Variants in PTGER3 observed in about 807,000 individuals in gnomAD.
The protein encoded by PTGER3 is prostaglandin E2 receptor EP3 subtype.
A neutral mutation model predicts 34.7 loss-of-function variants in PTGER3; 22 were observed. The ratio of observed to expected loss-of-function variants is 0.63; its 90% CI spans 0.45 to 0.91. PTGER3 has a LOEUF of 0.91. Among genes scored for constraint, PTGER3 ranks in the 40% least tolerant of loss-of-function variants. PTGER3 has a pLI of 0.00. For missense variants in PTGER3, 468 were observed against 519.4 expected (o/e 0.90, Z 0.96); for synonymous variants, 241 against 230.1 (o/e 1.05, Z -0.43).
At chr1:71,037,972 TG>T (rs1659983179) in intron 1 of PTGER3, among the ~76,000 whole-genome samples, 1 of 152,242 alleles carries the variant, frequency 6.6e-6, no homozygotes, top group Non-Finnish European at 1.5e-5. Context: ...GTGTGTGATC[TG>T]CCAGGAGCTC....
Position 70,885,089 on chromosome 1 carries a change from A to G in PTGER3, c.*24-32230T>C, listed in dbSNP as rs952519212. Among the ~76,000 whole-genome samples, 3 of 152,094 alleles carry G rather than the reference A, an allele frequency of 2.0e-5. No homozygotes were observed. In the South Asian group the frequency reaches 6.2e-4, roughly 32 times the overall value. On this transcript the variant is annotated intron_variant, in intron 4 of 4. Coordinates refer to the PTGER3 transcript ENST00000370931. ...CAAGAGCCAAAATTTGTCTGTTTCTAAAGAATTAGACTCTTTTTACTTCTT... is the reference window on the plus strand; with the variant it reads ...CAAGAGCCAAAATTTGTCTGTTTCTGAAGAATTAGACTCTTTTTACTTCTT...
chr1:70,863,382 C>T (rs1298748458), intron 4 of PTGER3, among the ~76,000 whole-genome samples: 2 of 152,126 alleles, frequency 1.3e-5, no homozygotes, highest in East Asian at 3.9e-4. Context: ...ATCATGTGTT[C>T]AGGCTGAATT....
chr1:71,040,939 A>T (rs1161130219), intron 1 of PTGER3, among the ~76,000 whole-genome samples: 3 of 152,140 alleles, frequency 2.0e-5, no homozygotes, highest in Non-Finnish European at 2.9e-5. Context: ...TGAATGGCTG[A>T]GGGGTAAAGT....
chr1:70,976,983 C>A (rs1259089174), intron 2 of PTGER3, among the ~76,000 whole-genome samples: 1 of 152,152 alleles, frequency 6.6e-6, no homozygotes, highest in Non-Finnish European at 1.5e-5. Context: ...AATCTGCCAG[C>A]AAACTTTATC....
At position 70,884,011 on chromosome 1, in the gene PTGER3, G is replaced by A. The variant is rs1403643223; in HGVS notation, c.*24-31152C>T. ...CAGGAGGCGAAGATTGCAGTGAGTG[G>A]AGGAGGTGAAGGTTGCAGTGAGCGG... On this transcript the variant is annotated intron_variant, in intron 4 of 4. Coordinates refer to the PTGER3 transcript ENST00000370931. 8.3e-6 allele frequency: 3 copies of A among 363,568 alleles called. No individual in the cohort carries two copies. The Admixed American group carries it at 9.1e-5, about 11-fold the overall frequency. 22.5% of individuals were successfully genotyped at this position (363,568 alleles called of 1,614,324 possible). A position where few individuals can be genotyped will look rare whatever the true frequency, so the allele number is the denominator to read the frequency against.
chr1:71,032,729 C>T (rs112688814), intron 1 of PTGER3, among the ~76,000 whole-genome samples: 4 of 152,170 alleles, frequency 2.6e-5, no homozygotes, highest in South Asian at 2.1e-4. Flanking sequence ...ACTCCCCCTA[C>T]CTTTTTATAT....
At chr1:71,010,462 G>C in intron 2 of PTGER3, 1 of 982,914 alleles carries the variant, frequency 1.0e-6, no homozygotes, top group Non-Finnish European at 1.2e-6. Context: ...TATATTCCAG[G>C]TGCTATACTA....
chr1:70,943,481 G>A (rs555366123), intron 4 of PTGER3, among the ~76,000 whole-genome samples: 75 of 152,204 alleles, frequency 4.9e-4, no homozygotes, highest in African/African-American at 1.8e-3. Context: ...AGATAAAGAT[G>A]AATTTTATAG....
chr1:71,006,387 C>T (rs1270543091), intron 2 of PTGER3: 1 of 985,254 alleles, frequency 1.0e-6, no homozygotes, highest in African/African-American at 1.7e-5. Context: ...AGTACATGAA[C>T]AAATAGCTGG....
intron 4 of PTGER3, among the ~76,000 whole-genome samples, chr1:70,917,188 C>A (rs1647193144): frequency 6.6e-6 from 1 of 151,528 alleles, no homozygotes; most frequent in Non-Finnish European, 1.5e-5. Flanking sequence ...CCCCCTGCAA[C>A]CCCCGCTTTC....
At chr1:70,967,856 T>C (rs970572509), downstream of PTGER3, among the ~76,000 whole-genome samples, 14 of 152,224 alleles carry the variant, frequency 9.2e-5, no homozygotes, top group Middle Eastern at 6.3e-3. Flanking sequence ...GTCAACTCTG[T>C]CTGAATTTTC....
chr1:70,922,135 T>A (rs10218772), intron 4 of PTGER3, among the ~76,000 whole-genome samples: 61,708 of 152,034 alleles, frequency 0.41, 12,954 homozygotes, highest in Middle Eastern at 0.52. Context: ...AAACTGTTCA[T>A]TTTAATCTTC....
chr1:70,981,187 T>C (rs1654221447), intron 2 of PTGER3, among the ~76,000 whole-genome samples: 1 of 152,054 alleles, frequency 6.6e-6, no homozygotes, highest in Non-Finnish European at 1.5e-5. Flanking sequence ...TTTCAGGATC[T>C]TAATCTACTC....
At chr1:71,046,301 A>C (rs1660802157) in intron 1 of PTGER3, among the ~76,000 whole-genome samples, 1 of 150,828 alleles carries the variant, frequency 6.6e-6, no homozygotes, top group Non-Finnish European at 1.5e-5. Context: ...AAAAAAAAAA[A>C]AAAAACCCCA....
At chr1:70,909,832 A>G (rs1199848809) in intron 4 of PTGER3, among the ~76,000 whole-genome samples, 2 of 152,248 alleles carry the variant, frequency 1.3e-5, no homozygotes, top group Non-Finnish European at 2.9e-5. Flanking sequence ...AAGGCTTCCT[A>G]TAAAGAGTAT....
intron 4 of PTGER3, among the ~76,000 whole-genome samples, chr1:70,935,995 T>A (rs1044554623): frequency 8.5e-5 from 13 of 152,076 alleles, no homozygotes; most frequent in Non-Finnish European, 1.5e-4. Context: ...GAGCACCAAG[T>A]TTTTGGAGAA....
Position 70,956,076 on chromosome 1 carries a change from A to G in PTGER3, c.1078-2287T>C, listed in dbSNP as rs528905960. Among the ~76,000 whole-genome samples, 36 of 152,288 alleles carry G rather than the reference A, an allele frequency of 2.4e-4. No individual in the cohort carries two copies. The South Asian group carries it at 5.8e-3, about 25-fold the overall frequency. On this transcript the variant is annotated intron_variant, in intron 2 of 3. Transcript: ENST00000356595. ...ATGAGAAAGAGTTAATTTTTTGTAT[A>G]ATTTTGAAGTCTGAGTGAAGTTGAA... is the stretch of plus-strand genomic sequence containing the variant.
chr1:71,013,742 C>T (rs902436470), intron 1 of PTGER3, among the ~76,000 whole-genome samples: 9 of 151,864 alleles, frequency 5.9e-5, no homozygotes, highest in African/African-American at 1.7e-4. Flanking sequence ...AACTATTTCA[C>T]CTGCTGTTTC....
chr1:70,872,589 GT>G (rs1646185625), intron 4 of PTGER3, among the ~76,000 whole-genome samples: 4 of 152,184 alleles, frequency 2.6e-5, no homozygotes, highest in African/African-American at 9.7e-5. Flanking sequence ...GAGAAATTAA[GT>G]AAGATGACCA....
Sources: allele counts gnomAD v4.1 joint callset (sites outside exome capture counted in the v4.1 genomes callset), GRCh38; gene constraint gnomAD v4.1.1; transcripts MANE v1.5; gene names NCBI Gene and HGNC (gene_info 2026-07-23, HGNC 2026-07-21).